Variants in FOXO3 observed in about 807,000 individuals in gnomAD.
The protein encoded by FOXO3 is forkhead box protein O3.
Under a neutral mutation model 41.9 loss-of-function variants are expected in FOXO3, and 4 were observed. The ratio of observed to expected loss-of-function variants is 0.10; its 90% CI spans 0.05 to 0.22. The LOEUF is 0.22. FOXO3 is among the 10% of genes least tolerant of loss of function. The pLI is 1.00. For missense variants in FOXO3, 534 were observed against 906.8 expected (o/e 0.59, Z 5.28); for synonymous variants, 318 against 389.3 (o/e 0.82, Z 2.16).
intron 1 of FOXO3, among the ~76,000 whole-genome samples, chr6:108,586,936 ATATTATTAT>A (rs143546022): frequency 0.34 from 45,654 of 133,376 alleles, 8,575 homozygotes; most frequent in Admixed American, 0.42. Context: ...CTGAACGTAA[ATATTATTAT>A]TATTATTATT....
intron 1 of FOXO3, among the ~76,000 whole-genome samples, chr6:108,650,626 A>G (rs1253473090): frequency 2.0e-5 from 3 of 152,242 alleles, no homozygotes; most frequent in Non-Finnish European, 4.4e-5. Context: ...TAGAAAAACT[A>G]TGATTTTATC....
chr6:108,618,044 CTTCA>C (rs1777565300), intron 1 of FOXO3: 1 of 689,126 alleles, frequency 1.5e-6, no homozygotes, highest in Admixed American at 1.8e-5. Flanking sequence ...TCAATCGTAT[CTTCA>C]TTCTCCATTT....
At chr6:108,596,382 GA>G (rs61683111) in intron 1 of FOXO3, among the ~76,000 whole-genome samples, 11,940 of 58,390 alleles carry the variant, frequency 0.2, 553 homozygotes, top group African/African-American at 0.34. Flanking sequence ...TGGCCTAAAT[GA>G]AAAAAAAAAA....
chr6:108,660,691 T>G (rs984912024), intron 1 of FOXO3, among the ~76,000 whole-genome samples: 5 of 152,008 alleles, frequency 3.3e-5, no homozygotes, highest in African/African-American at 9.7e-5. Context: ...GCCAACATAG[T>G]GAAACCCTGT....
chr6:108,667,870 T>C (rs532502282), intron 2 of FOXO3, among the ~76,000 whole-genome samples: 1 of 152,126 alleles, frequency 6.6e-6, no homozygotes, highest in African/African-American at 2.4e-5. Context: ...CAAAGGACAG[T>C]GGGGGCTGTG....
At chr6:108,598,158 T>C (rs866268980) in intron 1 of FOXO3, among the ~76,000 whole-genome samples, 1 of 152,200 alleles carries the variant, frequency 6.6e-6, no homozygotes, top group African/African-American at 2.4e-5. Context: ...TGTACAACAC[T>C]GTGGGTTCTC....
rs1195242938 is a variant in FOXO3 at position 108,561,146 on chromosome 6, C to T, written c.-63C>T. On this transcript the variant is annotated 5_prime_UTR_variant, in exon 1 of 3. Coordinates refer to ENST00000406360, the MANE Select transcript of FOXO3 (RefSeq NM_001455.4). ...CGGCGTCCACGTCCCTCCCCCGCTG[C>T]ACCCCGCCCCGGCGCGAGAGGAGAG... 18 of 1,488,076 alleles carry T rather than the reference C, an allele frequency of 1.2e-5. No individual in the cohort carries two copies. The highest frequency in any genetic ancestry group is 1.5e-5 in the African/African-American group (1 of 68,466). The allele number at this position is 1,488,076 out of a possible 1,614,324, so 92.2% of individuals were successfully genotyped here. A position where few individuals can be genotyped will look rare whatever the true frequency, so the allele number is the denominator to read the frequency against.
intron 1 of FOXO3, among the ~76,000 whole-genome samples, chr6:108,582,098 T>C (rs1776436400): frequency 6.6e-6 from 1 of 152,240 alleles, no homozygotes; most frequent in Non-Finnish European, 1.5e-5. Context: ...TTAACTGTCA[T>C]ATAGGGACAA....
intron 1 of FOXO3, among the ~76,000 whole-genome samples, chr6:108,589,557 G>A (rs968692544): frequency 3.9e-5 from 6 of 152,196 alleles, no homozygotes; most frequent in African/African-American, 1.4e-4. Flanking sequence ...TCCCCAGTCA[G>A]GCAGCCTTTT....
chr6:108,657,972 T>A (rs1417117233), intron 1 of FOXO3, among the ~76,000 whole-genome samples: 1 of 152,218 alleles, frequency 6.6e-6, no homozygotes, highest in East Asian at 1.9e-4. Flanking sequence ...TCCCAGGATG[T>A]GAAACCCCCC....
intron 1 of FOXO3, among the ~76,000 whole-genome samples, chr6:108,584,575 G>A (rs1242250165): frequency 6.6e-6 from 1 of 152,124 alleles, no homozygotes; most frequent in Non-Finnish European, 1.5e-5. Flanking sequence ...AGATAACTTG[G>A]TTCATCCGTA....
At chr6:108,631,600 CTT>C (rs990980355) in intron 1 of FOXO3, among the ~76,000 whole-genome samples, 2 of 151,678 alleles carry the variant, frequency 1.3e-5, no homozygotes, top group Admixed American at 6.6e-5. Context: ...TTTTTTCTCT[CTT>C]GACATTTTTC....
Position 108,561,007 on chromosome 6 carries a change from G to A in FOXO3, c.-202G>A. The A allele has an allele frequency of 2.2e-6, 3 of 1,367,618 alleles. No individual in the cohort carries two copies. Among genetic ancestry groups the A allele is most frequent in the Non-Finnish European group, 2.8e-6 (3 of 1,072,394 alleles). 84.7% of individuals were successfully genotyped at this position (1,367,618 alleles called of 1,614,324 possible). On this transcript the variant is annotated 5_prime_UTR_variant, in exon 1 of 3. Coordinates refer to ENST00000406360, the MANE Select transcript of FOXO3 (RefSeq NM_001455.4). ...GCGGCAGGACTGGGAGGTGGCGGCA[G>A]CGGGCGAGGACTCGCCGAGGACGGG...
intron 1 of FOXO3, among the ~76,000 whole-genome samples, chr6:108,647,475 A>T (rs1380155722): frequency 6.6e-6 from 1 of 152,178 alleles, no homozygotes; most frequent in Non-Finnish European, 1.5e-5. Flanking sequence ...AAATTAACAG[A>T]ATTTTCTGAT....
intron 1 of FOXO3, among the ~76,000 whole-genome samples, chr6:108,610,101 C>T (rs1488639118): frequency 6.6e-6 from 1 of 152,070 alleles, no homozygotes; most frequent in Non-Finnish European, 1.5e-5. Flanking sequence ...CCTTCCCCTC[C>T]CCATATACAG....
intron 1 of FOXO3, among the ~76,000 whole-genome samples, chr6:108,661,440 A>G (rs1350247605): frequency 2.6e-5 from 4 of 152,122 alleles, no homozygotes; most frequent in Non-Finnish European, 5.9e-5. Context: ...GCCTGCAGGT[A>G]CTGTTCCGGA....
chr6:108,646,126 C>T (rs1241855504), intron 1 of FOXO3, among the ~76,000 whole-genome samples: 1 of 152,136 alleles, frequency 6.6e-6, no homozygotes, highest in Non-Finnish European at 1.5e-5. Context: ...CCTCATGGTC[C>T]ATCCGAATGG....
At chr6:108,627,590 G>A (rs1777846440) in intron 1 of FOXO3, among the ~76,000 whole-genome samples, 1 of 152,108 alleles carries the variant, frequency 6.6e-6, no homozygotes, top group South Asian at 2.1e-4. Flanking sequence ...GTGACTAAGG[G>A]CAGAGTACCT....
At chr6:108,577,449 C>T (rs1438184156) in intron 1 of FOXO3, among the ~76,000 whole-genome samples, 1 of 152,166 alleles carries the variant, frequency 6.6e-6, no homozygotes, top group African/African-American at 2.4e-5. Context: ...ATATCTACTA[C>T]ACATTGTCTA....
Sources: allele counts gnomAD v4.1 joint callset (sites outside exome capture counted in the v4.1 genomes callset), GRCh38; gene constraint gnomAD v4.1.1; transcripts MANE v1.5; gene names NCBI Gene and HGNC (gene_info 2026-07-23, HGNC 2026-07-21).